The following ADAMTS17 variants were observed in gnomAD, a reference collection of about 807,000 sequenced individuals.
The protein encoded by ADAMTS17 is A disintegrin and metalloproteinase with thrombospondin motifs 17.
ADAMTS17 carries 113 observed loss-of-function variants against 141.5 expected under a neutral mutation model. The observed-to-expected ratio is 0.80, with a 90% CI of 0.69 to 0.93. The LOEUF is 0.93. Ranked by LOEUF, ADAMTS17 falls within the 40% of genes least tolerant of loss-of-function variation. ADAMTS17 has a pLI of 0.00. For synonymous variants in ADAMTS17, 768 were observed against 630.6 expected (o/e 1.22, Z -3.27); for missense variants, 1,659 against 1,517.9 (o/e 1.09, Z -1.54).
intron 18 of ADAMTS17, among the ~76,000 whole-genome samples, chr15:100,020,789 G>A (rs1596245452): frequency 1.3e-5 from 2 of 152,214 alleles, no homozygotes; most frequent in East Asian, 3.8e-4. Flanking sequence ...TGACCCAGTG[G>A]CTGGCGTTCG....
At chr15:100,334,919 GCC>G (rs1173873119) in intron 2 of ADAMTS17, among the ~76,000 whole-genome samples, 1 of 152,114 alleles carries the variant, frequency 6.6e-6, no homozygotes, top group East Asian at 1.9e-4. Flanking sequence ...TCTGAGGCTT[GCC>G]ATGGTCGGAG....
chr15:100,331,210 G>C (rs1341446095), intron 2 of ADAMTS17, among the ~76,000 whole-genome samples, 156 bp from the exon 3 acceptor site: 1 of 152,216 alleles, frequency 6.6e-6, no homozygotes, highest in Admixed American at 6.5e-5. Context: ...CTGAGCCCAA[G>C]AGTGAGCTTG....
Position 100,111,016 on chromosome 15 carries a change from T to C in ADAMTS17, c.1889-1900A>G, listed in dbSNP as rs370308322. Among the ~76,000 whole-genome samples the C allele has an allele frequency of 3.2e-4, 48 of 151,808 alleles. 1 individual carries two copies. In the South Asian group the frequency reaches 9.6e-3, roughly 30 times the overall value. On this transcript the variant is annotated intron_variant, in intron 13 of 21. Transcript: ENST00000268070. ...CAGCGCTGGAAAGAAGCTCCAGGAG[T>C]GTGCTGGAAATGCTTCCCTCAGTTC...
chr15:100,011,114 A>G (rs1038327074), intron 18 of ADAMTS17, among the ~76,000 whole-genome samples: 9 of 151,252 alleles, frequency 6.0e-5, no homozygotes, highest in Non-Finnish European at 2.9e-5. Flanking sequence ...TAAATCCTGT[A>G]TAAAAAACAC....
chr15:100,009,588 C>T (rs1017374727), intron 18 of ADAMTS17, among the ~76,000 whole-genome samples: 1 of 152,070 alleles, frequency 6.6e-6, no homozygotes, highest in African/African-American at 2.4e-5. Flanking sequence ...CTCAGGTGAC[C>T]TCTACCGAGC....
At chr15:100,152,558 T>C in intron 10 of ADAMTS17, 54 bp downstream of exon 10, 1 of 1,600,248 alleles carries the variant, frequency 6.2e-7, no homozygotes. Context: ...AGACCTGCTG[T>C]GGGAGGGCTG....
intron 7 of ADAMTS17, among the ~76,000 whole-genome samples, chr15:100,242,374 T>A (rs1407800676): frequency 6.6e-6 from 1 of 152,204 alleles, no homozygotes; most frequent in Non-Finnish European, 1.5e-5. Context: ...CTTGAGTAAG[T>A]CTCAGTGCCC....
chr15:100,002,004 A>AAAAGGCCAAAACC (rs2060936420), intron 18 of ADAMTS17, among the ~76,000 whole-genome samples: 1 of 149,312 alleles, frequency 6.7e-6, no homozygotes, highest in African/African-American at 2.5e-5. Flanking sequence ...CAAAAAAAAA[A>AAAAGGCCAAAACC]AAAAAAAAAA....
intron 15 of ADAMTS17, among the ~76,000 whole-genome samples, chr15:100,081,761 A>G (rs950987324): frequency 6.6e-6 from 1 of 152,218 alleles, no homozygotes; most frequent in African/African-American, 2.4e-5. Context: ...GTATTTGCTA[A>G]TCCATTTGGT....
Position 100,341,187 on chromosome 15 carries a change from C to T in ADAMTS17, c.302G>A (p.Arg101His). ...CACCTCGAAGCCTCGGGACAGGAAG[C>T]GCAGGTCGCGGCGCAGCTGAAGGTA... is the stretch of plus-strand genomic sequence containing the variant. Reference protein sequence around the residue: ...DLYLQLRRDLRFLSRGFEVEE... With the variant: ...DLYLQLRRDLHFLSRGFEVEE... Residue 101 changes from arginine to histidine, a missense_variant, in exon 2 of 22, where the codon CGC becomes CAC. By Grantham distance (29) the Arg-to-His change is conservative. Coordinates refer to ENST00000268070, the MANE Select transcript of ADAMTS17 (RefSeq NM_139057.4). 5 of 1,464,068 alleles carry T rather than the reference C, an allele frequency of 3.4e-6. No individual in the cohort carries two copies. The highest frequency in any genetic ancestry group is 4.5e-6 in the Non-Finnish European group (5 of 1,111,898). 90.7% of individuals were successfully genotyped at this position (1,464,068 alleles called of 1,614,324 possible).
At chr15:100,326,128 T>C (rs2045893881) in intron 3 of ADAMTS17, among the ~76,000 whole-genome samples, 1 of 152,232 alleles carries the variant, frequency 6.6e-6, no homozygotes, top group Admixed American at 6.5e-5. Context: ...GCCTCTACCA[T>C]GGTTCTTTTT....
chr15:100,238,129 T>C (rs1399297205), intron 7 of ADAMTS17, among the ~76,000 whole-genome samples: 1 of 152,210 alleles, frequency 6.6e-6, no homozygotes, highest in East Asian at 1.9e-4. Context: ...ATTAATAGTG[T>C]TGGCATAGGC....
At chr15:100,157,632 G>A (rs1372751058) in intron 8 of ADAMTS17, among the ~76,000 whole-genome samples, 1 of 152,134 alleles carries the variant, frequency 6.6e-6, no homozygotes, top group African/African-American at 2.4e-5. Context: ...CGAGCATTTG[G>A]TAAAAATATT....
At chr15:100,291,958 C>A (rs1476875685) in intron 3 of ADAMTS17, among the ~76,000 whole-genome samples, 1 of 152,226 alleles carries the variant, frequency 6.6e-6, no homozygotes, top group African/African-American at 2.4e-5. Context: ...AAAGAAAATA[C>A]AAATATACCA....
In ADAMTS17 at chr15:100,155,389, G is replaced by A. The variant is rs576270980; in HGVS notation, c.1182-69C>T. On this transcript the variant is annotated intron_variant, in intron 8 of 21. Transcript: ENST00000268070. ...CTCATTTCCAGTTCCTGGTGCTAGC[G>A]GACCATGCTAAGGTAAATCAAGTCT... 1.6e-3 allele frequency: 2,564 copies of A among 1,571,470 alleles called. 7 individuals carry two copies. The highest frequency in any genetic ancestry group is 2.0e-3 in the South Asian group (169 of 86,106).
intron 10 of ADAMTS17, among the ~76,000 whole-genome samples, chr15:100,145,970 C>A (rs8035011): frequency 6.6e-6 from 1 of 152,132 alleles, no homozygotes. Flanking sequence ...GTCAGGAGTT[C>A]GTGACCAGCC....
rs2040494118 is a variant in ADAMTS17 at position 100,180,698 on chromosome 15, T to A, written c.1181+18620A>T. Among the ~76,000 whole-genome samples, 4 of 152,212 alleles carry A rather than the reference T, an allele frequency of 2.6e-5. No homozygotes were observed. The South Asian group carries it at 8.3e-4, about 31-fold the overall frequency. ...TTTGAGTCCCCTTCAATAGCTTGCATCAGTGTTTTATAATTTTCATTACAG... is the reference window on the plus strand; with the variant it reads ...TTTGAGTCCCCTTCAATAGCTTGCAACAGTGTTTTATAATTTTCATTACAG... On this transcript the variant is annotated intron_variant, in intron 8 of 21. Transcript: ENST00000268070.
At chr15:100,011,247 G>A (rs1163578295) in intron 18 of ADAMTS17, among the ~76,000 whole-genome samples, 2 of 122,032 alleles carry the variant, frequency 1.6e-5, no homozygotes, top group African/African-American at 6.3e-5. Context: ...ATTTGCTGGG[G>A]AAAGAGACAG....
intron 7 of ADAMTS17, among the ~76,000 whole-genome samples, chr15:100,200,253 C>G (rs539511398): frequency 1.3e-5 from 2 of 152,318 alleles, no homozygotes; most frequent in Non-Finnish European, 2.9e-5. Context: ...GGTGGGACGG[C>G]AGGCCAGCCA....
Sources: allele counts gnomAD v4.1 joint callset (sites outside exome capture counted in the v4.1 genomes callset), GRCh38; gene constraint gnomAD v4.1.1; transcripts MANE v1.5; gene names NCBI Gene and HGNC (gene_info 2026-07-23, HGNC 2026-07-21).